Variants in HSPA13 observed in about 807,000 individuals in gnomAD.
The protein encoded by HSPA13 is heat shock protein family A (Hsp70) member 13, also known as heat shock 70 kDa protein 13.
A neutral mutation model predicts 38.8 loss-of-function variants in HSPA13; 29 were observed. The observed-to-expected ratio is 0.75, with a 90% CI of 0.56 to 1.02. The LOEUF is 1.02. Ranked by LOEUF, HSPA13 falls within the 50% of genes least tolerant of loss-of-function variation. The pLI, the probability that HSPA13 is intolerant of heterozygous loss-of-function variation, is 0.00. For synonymous variants in HSPA13, 192 were observed against 205.3 expected, an observed-to-expected ratio of 0.94 and a Z score of 0.56; for missense variants, 451 against 560.9, an observed-to-expected ratio of 0.80 and a Z score of 1.98.
rs779022297 is a variant in HSPA13 at position 14,378,270 on chromosome 21, G to A, written c.509C>T (p.Ala170Val). 2.5e-6 allele frequency: 4 copies of A among 1,614,098 alleles called. No individual in the cohort carries two copies. The South Asian group carries it at 4.4e-5, about 18-fold the overall frequency. The change falls in exon 3 of 5, where the codon GCT (alanine) becomes GTT (valine). Residue 170 changes from alanine to valine, a missense_variant. Ala to Val is a moderately conservative substitution (Grantham distance 64). Coordinates refer to ENST00000285667, the MANE Select transcript of HSPA13 (RefSeq NM_006948.5). The part of the protein sequence containing the change: ...EAYLGMPVAN[A>V]VISVPAEFDL... ...AAATTCTGCTGGTACAGAAATGACA[G>A]CATTGGCAACTGGCATTCCAAGATA...
Position 14,374,161 on chromosome 21 carries a change from G to C in HSPA13, c.872C>G (p.Ala291Gly). ...RKEEIHRLRQ[A>G]VEMVKLNLTL... ...CAGATTTAATTTGACCATTTCCACA[G>C]CTTGTCTCAATCTGTGGATTTCCTC... Residue 291 changes from alanine to glycine, a missense_variant, in exon 5 of 5, where the codon GCT (alanine) becomes GGT (glycine). By Grantham distance (60) the Ala-to-Gly change is moderately conservative (BLOSUM62 0). Coordinates refer to ENST00000285667, the MANE Select transcript of HSPA13 (RefSeq NM_006948.5). 1 of 1,613,924 alleles carries C rather than the reference G, an allele frequency of 6.2e-7. No individual in the cohort carries two copies. The highest frequency in any genetic ancestry group is 8.5e-7 in the Non-Finnish European group (1 of 1,180,014).
chr21:14,378,207 TTA>T lies in HSPA13; in HGVS notation c.570_571del (p.Asn191ProfsTer12). 6.2e-7 allele frequency: 1 copy of T among 1,613,560 alleles called. No individual in the cohort carries two copies. The highest frequency in any genetic ancestry group is 8.5e-7 in the Non-Finnish European group (1 of 1,179,494). On this transcript the variant is annotated frameshift_variant, in exon 3 of 5. Coordinates refer to ENST00000285667, the MANE Select transcript of HSPA13 (RefSeq NM_006948.5). LOFTEE classifies it high-confidence loss of function. ...GTCAAGGGTACTGTTACCTGCAAGGTTAGCAGCTTCAATTGTTGAATTTCTCT... is the reference window on the plus strand; with the variant it reads ...GTCAAGGGTACTGTTACCTGCAAGGTGCAGCTTCAATTGTTGAATTTCTCT...
chr21:14,374,333 G>A (rs775863683), intron 4 of HSPA13, 49 bp from the exon 5 acceptor site: 7 of 1,271,278 alleles, frequency 5.5e-6, no homozygotes, highest in East Asian at 2.3e-5. Context: ...ATGTGTGTAT[G>A]TATACACGTA....
intron 2 of HSPA13, among the ~76,000 whole-genome samples, chr21:14,380,077 C>T (rs967486356): frequency 4.7e-5 from 7 of 150,048 alleles, no homozygotes; most frequent in Non-Finnish European, 1.0e-4. Context: ...TCATAACTTC[C>T]AAGAAAAACT....
At position 14,373,990 on chromosome 21, in the gene HSPA13, C is replaced by A. The variant is rs138597725; in HGVS notation, c.1043G>T (p.Gly348Val). 1.6e-4 allele frequency: 252 copies of A among 1,614,164 alleles called. No individual in the cohort carries two copies. The African/African-American group carries it at 2.9e-3, about 19-fold the overall frequency. ...DHRVNSGFGR[G>V]LSDKKSGESQ... ...TTCTCCACTTTTCTTATCAGAAAGG[C>A]CACGTCCAAACCCACTGTTCACGCG... is the stretch of plus-strand genomic sequence containing the variant. The change falls in exon 5 of 5, where the codon GGC becomes GTC. Residue 348 changes from glycine (G) to valine (V), a missense_variant. Coordinates refer to ENST00000285667, the MANE Select transcript of HSPA13 (RefSeq NM_006948.5).
intron 3 of HSPA13, among the ~76,000 whole-genome samples, chr21:14,377,895 G>A (rs919072838): frequency 6.6e-6 from 1 of 152,256 alleles, no homozygotes; most frequent in African/African-American, 2.4e-5. Context: ...AAGCTGCACA[G>A]TTGGCTTCCC....
At chr21:14,380,305 A>G (rs1046695569) in intron 2 of HSPA13, among the ~76,000 whole-genome samples, 18 of 151,906 alleles carry the variant, frequency 1.2e-4, no homozygotes, top group African/African-American at 4.1e-4. Context: ...AAAGATAACA[A>G]AAACATATAA....
chr21:14,375,954 AC>A (rs1984009686), intron 3 of HSPA13, 135 bp from the exon 4 acceptor site: 1 of 610,656 alleles, frequency 1.6e-6, no homozygotes, highest in South Asian at 2.1e-5. Flanking sequence ...CACAAACCGA[AC>A]AGAAGCATGA....
rs767826218 is a variant in HSPA13 at position 14,374,180 on chromosome 21, T to C, written c.853A>G (p.Ile285Val). The change falls in exon 5 of 5, where the codon ATC (isoleucine) becomes GTC (valine). Residue 285 changes from isoleucine (I) to valine (V), a missense_variant. Transcript: ENST00000285667. ...YGFVPSRKEE[I>V]HRLRQAVEMV... ...TCCACAGCTTGTCTCAATCTGTGGA[T>C]TTCCTCTTTCCTAGAGGGCACGAAG... 2.5e-6 allele frequency: 4 copies of C among 1,613,826 alleles called. No individual in the cohort carries two copies. The highest frequency in any genetic ancestry group is 1.3e-5 in the African/African-American group (1 of 75,054).
In HSPA13 at chr21:14,372,976, T is replaced by A. The variant is rs1982861335; in HGVS notation, c.*641A>T. On this transcript the variant is annotated 3_prime_UTR_variant, in exon 5 of 5. Coordinates refer to ENST00000285667, the MANE Select transcript of HSPA13 (RefSeq NM_006948.5). ...TATGGTGCTGAAACATTTGAATACC[T>A]TTAGAAATAAAATAAATTCATCTAT... 6.6e-6 allele frequency: 1 copy of A among 152,222 alleles called. No individual in the cohort carries two copies. The highest frequency in any genetic ancestry group is 6.5e-5 in the Admixed American group (1 of 15,280). The allele number at this position is 152,222 out of a possible 1,614,324, so 9.4% of individuals were successfully genotyped here.
chr21:14,374,265 T>C lies in HSPA13; in HGVS notation c.768A>G (p.Gly256=). Reference sequence around the variant, plus strand: ...GAAGCAATCTCTGATTGAAGTCCTGTCCTCCAAGTTTATTGTTTCCTGAGT... The same window carrying C: ...GAAGCAATCTCTGATTGAAGTCCTGCCCTCCAAGTTTATTGTTTCCTGAGT... ...RAMSGNNKLG[G]QDFNQRLLQY... is the part of the protein sequence containing the mutation. Residue 256 remains glycine (G), a synonymous_variant, in exon 5 of 5, where the codon GGA becomes GGG. Transcript: ENST00000285667. 1 of 1,607,382 alleles carries C rather than the reference T, an allele frequency of 6.2e-7. No individual in the cohort carries two copies. The highest frequency in any genetic ancestry group is 2.2e-5 in the East Asian group (1 of 44,828).
In HSPA13 at chr21:14,375,632, T is replaced by G. The variant is rs201522622; in HGVS notation, c.748+20A>C. On this transcript the variant is annotated intron_variant, in intron 4 of 4. Transcript: ENST00000285667. Reference sequence around the variant, plus strand: ...CAGGCGTGAGCCACTGCGCCCAGCCTCTCCCTGCATTTTTCTTACCAGACA... The same window carrying G: ...CAGGCGTGAGCCACTGCGCCCAGCCGCTCCCTGCATTTTTCTTACCAGACA... 3.5e-4 allele frequency: 562 copies of G among 1,601,450 alleles called. 4 individuals carry two copies. The African/African-American group carries it at 7.1e-3, about 20-fold the overall frequency.
chr21:14,375,437 AT>A (rs1983994301), intron 4 of HSPA13, among the ~76,000 whole-genome samples: 1 of 151,608 alleles, frequency 6.6e-6, no homozygotes, highest in Admixed American at 6.6e-5. Context: ...CACATTGGAT[AT>A]GTTAAAGAAA....
At chr21:14,375,441 TAAAG>T (rs1983994429) in intron 4 of HSPA13, among the ~76,000 whole-genome samples, 2 of 151,496 alleles carry the variant, frequency 1.3e-5, no homozygotes, top group Non-Finnish European at 2.9e-5. Context: ...TTGGATATGT[TAAAG>T]AAAGCACTGC....
chr21:14,371,184 TAA>T lies in HSPA13; in HGVS notation c.*2431_*2432del, dbSNP rs1423064680. ...TGAATTGCCTGTATACACACAAATA[TAA>T]GAGGAACAATCTGTTATGCACAATA... On this transcript the variant is annotated 3_prime_UTR_variant, in exon 5 of 5. Coordinates refer to ENST00000285667, the MANE Select transcript of HSPA13 (RefSeq NM_006948.5). 2 of 152,558 alleles carry T rather than the reference TAA, an allele frequency of 1.3e-5. No individual in the cohort carries two copies. Among genetic ancestry groups the T allele is most frequent in the Admixed American group, 6.5e-5 (1 of 15,272 alleles). The allele number at this position is 152,558 out of a possible 1,614,324, so 9.5% of individuals were successfully genotyped here.
At chr21:14,378,465 G>A in intron 2 of HSPA13, 53 bp from the exon 3 acceptor site, 2 of 1,144,078 alleles carry the variant, frequency 1.7e-6, no homozygotes, top group South Asian at 1.3e-5. Flanking sequence ...AAAGCATACA[G>A]ACATACATAT....
chr21:14,375,916 T>A (rs1289959910), intron 3 of HSPA13, 97 bp from the exon 4 acceptor site: 1 of 901,946 alleles, frequency 1.1e-6, no homozygotes, highest in East Asian at 2.5e-5. Context: ...TGACATGAAC[T>A]CCACCACTGA....
chr21:14,375,921 CACT>C (rs755397889), intron 3 of HSPA13, 102 bp from the exon 4 acceptor site: 2 of 858,514 alleles, frequency 2.3e-6, no homozygotes, highest in African/African-American at 1.7e-5. Context: ...TGAACTCCAC[CACT>C]GAGTAATAAT....
chr21:14,376,081 T>C (rs1253372939), intron 3 of HSPA13, among the ~76,000 whole-genome samples: 3 of 152,258 alleles, frequency 2.0e-5, no homozygotes, highest in Non-Finnish European at 4.4e-5. Flanking sequence ...CTACTCTTTA[T>C]TAATTAACAC....
Sources: allele counts gnomAD v4.1 joint callset (sites outside exome capture counted in the v4.1 genomes callset), GRCh38; gene constraint gnomAD v4.1.1; transcripts MANE v1.5; gene names NCBI Gene and HGNC (gene_info 2026-07-23, HGNC 2026-07-21).